The following ASH1L variants were observed in gnomAD, a reference collection of about 807,000 sequenced individuals.
ASH1L encodes ASH1 like histone lysine methyltransferase, also known as histone-lysine N-methyltransferase ASH1L.
ASH1L carries 23 observed loss-of-function variants against 269.0 expected under a neutral mutation model. That is an observed-to-expected ratio of 0.09 (90% CI 0.06 to 0.12). The LOEUF is 0.12. Ranked by LOEUF, ASH1L falls within the 10% of genes least tolerant of loss-of-function variation. The pLI, the probability that ASH1L is intolerant of heterozygous loss-of-function variation, is 1.00. For synonymous variants in ASH1L, 1,187 were observed against 1,253.5 expected (o/e 0.95, Z 1.12); for missense variants, 2,912 against 3,567.8 (o/e 0.82, Z 4.68).
intron 10 of ASH1L, among the ~76,000 whole-genome samples, chr1:155,374,549 C>T (rs1319472305): frequency 2.0e-5 from 3 of 152,100 alleles, no homozygotes; most frequent in Non-Finnish European, 4.4e-5. Flanking sequence ...GAAGACAGTG[C>T]CTTAACATCA....
chr1:155,480,699 G>A lies in ASH1L; in HGVS notation c.2171C>T (p.Ala724Val). 1 of 1,613,388 alleles carries A rather than the reference G, an allele frequency of 6.2e-7. No homozygotes were observed. Among genetic ancestry groups the A allele is most frequent in the Non-Finnish European group, 8.5e-7 (1 of 1,179,916 alleles). The change falls in exon 3 of 28, where the codon GCA becomes GTA. Residue 724 changes from alanine to valine, a missense_variant. By Grantham distance (64) the Ala-to-Val change is moderately conservative. Around this residue, in one of 13 missense-constraint regions of ASH1L, gnomAD observed 715 missense variants for 721.0 expected, o/e 0.99. Coordinates refer to ENST00000392403, the MANE Select transcript of ASH1L (RefSeq NM_018489.3). ...TTTTGGAGACCGGCATGTGCTTCTTGCCACCACTTTAGTCCACCGAGGTTT... is the reference window on the plus strand; with the variant it reads ...TTTTGGAGACCGGCATGTGCTTCTTACCACCACTTTAGTCCACCGAGGTTT... ...GRKPRWTKVV[A>V]RSTCRSPKGL...
chr1:155,390,280 C>T (rs368747719), intron 7 of ASH1L, among the ~76,000 whole-genome samples: 6 of 152,092 alleles, frequency 3.9e-5, no homozygotes, highest in East Asian at 1.9e-4. Flanking sequence ...AGAAATACAA[C>T]GTATCAAAAC....
chr1:155,543,236 C>T (rs1332757752), intron 1 of ASH1L, among the ~76,000 whole-genome samples: 4 of 151,770 alleles, frequency 2.6e-5, no homozygotes. Flanking sequence ...GTCAGCCGGG[C>T]GTGGTGGCTC....
rs1397239538 is a variant in ASH1L at position 155,358,386 on chromosome 1, T to TA, written c.6796-638dup. Among the ~76,000 whole-genome samples the TA allele has an allele frequency of 2.6e-5, 4 of 151,334 alleles. No homozygotes were observed. The East Asian group carries it at 5.8e-4, about 22-fold the overall frequency. On this transcript the variant is annotated intron_variant, in intron 13 of 27. Coordinates refer to ENST00000392403, the MANE Select transcript of ASH1L (RefSeq NM_018489.3). ...AACTGTCCTCTCCTATATACTTCTT[T>TA]AAAAAAAAATTTTAAAAAGGCCAGG... is the stretch of plus-strand genomic sequence containing the variant.
At chr1:155,387,941 T>C (rs1005049548) in intron 7 of ASH1L, among the ~76,000 whole-genome samples, 3 of 152,204 alleles carry the variant, frequency 2.0e-5, no homozygotes, top group African/African-American at 7.2e-5. Context: ...GGCTTAACTG[T>C]TATTGGTGTA....
At chr1:155,464,694 AAG>A (rs971682642) in intron 3 of ASH1L, among the ~76,000 whole-genome samples, 1 of 152,216 alleles carries the variant, frequency 6.6e-6, no homozygotes. Flanking sequence ...AGAGAAAATT[AAG>A]AATTAAAACC....
chr1:155,424,567 C>T (rs568353912), intron 5 of ASH1L, among the ~76,000 whole-genome samples: 31 of 151,994 alleles, frequency 2.0e-4, no homozygotes, highest in African/African-American at 6.8e-4. Context: ...GCCACTACGC[C>T]GGGCTAATTT....
chr1:155,538,998 T>C (rs193068354), intron 1 of ASH1L, among the ~76,000 whole-genome samples: 1 of 152,290 alleles, frequency 6.6e-6, no homozygotes. Context: ...ACTATGATAG[T>C]ACACATTCCT....
In ASH1L at chr1:155,339,313, C is replaced by A; in HGVS notation, c.8501+15G>T. ...TCAATCCCTTAGGATCCTCATATCC[C>A]CCCATGGGACTTACCGTCCTCCATT... On this transcript the variant is annotated intron_variant, in intron 26 of 27. Transcript: ENST00000392403. The A allele has an allele frequency of 6.2e-7, 1 of 1,612,416 alleles. No homozygotes were observed. The highest frequency in any genetic ancestry group is 8.5e-7 in the Non-Finnish European group (1 of 1,178,542).
At chr1:155,509,501 TA>T (rs1558178413) in intron 2 of ASH1L, among the ~76,000 whole-genome samples, 1 of 152,074 alleles carries the variant, frequency 6.6e-6, no homozygotes, top group African/African-American at 2.4e-5. Flanking sequence ...ATGGACTTCT[TA>T]AAAATAGTGT....
chr1:155,363,874 G>A (rs1655179101), intron 12 of ASH1L, among the ~76,000 whole-genome samples: 1 of 151,886 alleles, frequency 6.6e-6, no homozygotes, highest in Non-Finnish European at 1.5e-5. Context: ...TCAGGAGGCT[G>A]AGGCACGAGA....
Position 155,478,799 on chromosome 1 carries a change from C to T in ASH1L, c.4071G>A (p.Arg1357=), listed in dbSNP as rs142003601. The T allele has an allele frequency of 3.8e-5, 62 of 1,613,896 alleles. No homozygotes were observed. The highest frequency in any genetic ancestry group is 2.5e-5 in the Non-Finnish European group (30 of 1,179,992). The change falls in exon 3 of 28, where the codon AGG becomes AGA. Residue 1357 remains arginine (R), a synonymous_variant. Transcript: ENST00000392403. The surrounding 1 kb of genome is among the most constrained non-coding windows in gnomAD (Gnocchi z 4.6). ...KKKRGRPPKM[R]EAMAEMPFMH... ...TAAAAGGCATTTCAGCCATTGCCTC[C>T]CTCATCTTAGGGGGTCTCCCTCTTT... is the stretch of plus-strand genomic sequence containing the variant.
At position 155,521,367 on chromosome 1, in the gene ASH1L, T is replaced by C; in HGVS notation, c.153A>G (p.Lys51=). Residue 51 remains lysine (K), a synonymous_variant, in exon 2 of 28, where the codon AAA becomes AAG. Transcript: ENST00000392403. ...CTTCGATGTTTCTTTCTCGATTCCG[T>C]TTGCGAAGGTCCTCTTCCTCCTTTG... ...KNTKEEEDLR[K]RNRERNIEAG... The C allele has an allele frequency of 6.2e-7, 1 of 1,614,190 alleles. No homozygotes were observed. The highest frequency in any genetic ancestry group is 8.5e-7 in the Non-Finnish European group (1 of 1,180,030).
intron 1 of ASH1L, among the ~76,000 whole-genome samples, chr1:155,529,362 T>C (rs1669503019): frequency 6.6e-6 from 1 of 151,846 alleles, no homozygotes; most frequent in African/African-American, 2.4e-5. Context: ...TTTTTTTTTT[T>C]TTTTTTGACT....
rs1667934167 is a variant in ASH1L, at chr1:155,508,165, TCTA to T, written c.420+12932_420+12934del. Among the ~76,000 whole-genome samples the T allele has an allele frequency of 2.6e-5, 4 of 152,360 alleles. No homozygotes were observed. The South Asian group carries it at 8.3e-4, about 32-fold the overall frequency. On this transcript the variant is annotated intron_variant, in intron 2 of 27. Coordinates refer to ENST00000392403, the MANE Select transcript of ASH1L (RefSeq NM_018489.3). ...ACAAGTAAATATTGTGACTTCCATC[TCTA>T]CTTTCACTTTCTAAAATACTGCTGT... is the stretch of plus-strand genomic sequence containing the variant.
Position 155,415,982 on chromosome 1 carries a change from T to C in ASH1L, c.5829-59A>G, listed in dbSNP as rs576757348. Reference sequence around the variant, plus strand: ...GAAAAAAAAGTTTTCCTACAAATAATTGTCTACTTAAAAAAAAAAAACCAT... The same window carrying C: ...GAAAAAAAAGTTTTCCTACAAATAACTGTCTACTTAAAAAAAAAAAACCAT... On this transcript the variant is annotated intron_variant, in intron 5 of 27. Coordinates refer to ENST00000392403, the MANE Select transcript of ASH1L (RefSeq NM_018489.3). 6.2e-5 allele frequency: 85 copies of C among 1,361,786 alleles called. No individual in the cohort carries two copies. The African/African-American group carries it at 9.8e-4, about 16-fold the overall frequency. 84.4% of individuals were successfully genotyped at this position (1,361,786 alleles called of 1,614,324 possible). A position where few individuals can be genotyped will look rare whatever the true frequency, so the allele number is the denominator to read the frequency against.
intron 10 of ASH1L, among the ~76,000 whole-genome samples, chr1:155,374,911 C>T (rs997073668): frequency 2.6e-5 from 4 of 152,070 alleles, no homozygotes; most frequent in South Asian, 2.1e-4. Flanking sequence ...AACCTCCAGG[C>T]TCAAGCGATC....
intron 4 of ASH1L, among the ~76,000 whole-genome samples, chr1:155,439,828 C>A (rs1662399949): frequency 6.6e-6 from 1 of 151,614 alleles, no homozygotes; most frequent in Non-Finnish European, 1.5e-5. Context: ...AATGTGATAA[C>A]TATACTAGAT....
intron 1 of ASH1L, among the ~76,000 whole-genome samples, chr1:155,525,004 T>C (rs978097892): frequency 7.9e-5 from 12 of 152,134 alleles, no homozygotes; most frequent in Admixed American, 5.2e-4. Context: ...TACTGGCACT[T>C]TGGAAGGCTA....
Sources: allele counts gnomAD v4.1 joint callset (sites outside exome capture counted in the v4.1 genomes callset), GRCh38; gene constraint gnomAD v4.1.1; regional missense constraint gnomAD v4.1.1; non-coding constraint Gnocchi (gnomAD v3.1); transcripts MANE v1.5; gene names NCBI Gene and HGNC (gene_info 2026-07-23, HGNC 2026-07-21).